The following SAMD12 variants were observed in gnomAD, a reference collection of about 807,000 sequenced individuals.
SAMD12 encodes the protein sterile alpha motif domain containing 12, also known as sterile alpha motif domain-containing protein 12.
In SAMD12, 9 loss-of-function variants were observed where a neutral mutation model predicts 15.0. The observed-to-expected ratio is 0.60, with a 90% confidence interval of 0.36 to 1.05. The LOEUF is 1.05. Among genes scored for constraint, SAMD12 ranks in the 50% least tolerant of loss-of-function variants. The pLI is 0.01. For missense variants in SAMD12, 230 were observed against 234.2 expected (o/e 0.98, Z 0.12); for synonymous variants, 86 against 90.1 (o/e 0.96, Z 0.25).
In SAMD12 at chr8:118,479,449, G is replaced by A. The variant is rs115200165; in HGVS notation, c.193-39488C>T. On this transcript the variant is annotated intron_variant, in intron 2 of 3. Coordinates refer to ENST00000314727, the MANE Select transcript of SAMD12 (RefSeq NM_207506.3). ...GCAAGAAAGAATGAGAAGTGAAAGC[G>A]GAAACCCCTTATAAAACTATCAGGT... is the stretch of plus-strand genomic sequence containing the variant. Among the ~76,000 whole-genome samples, 782 of 152,220 alleles carry A rather than the reference G, an allele frequency of 5.1e-3. 10 individuals carry two copies. Among genetic ancestry groups the A allele is most frequent in the African/African-American group, 0.017 (709 of 41,512 alleles).
At chr8:118,532,599 G>A (rs1016360282) in intron 2 of SAMD12, among the ~76,000 whole-genome samples, 1 of 152,034 alleles carries the variant, frequency 6.6e-6, no homozygotes, top group African/African-American at 2.4e-5. Flanking sequence ...GCTCTTAATT[G>A]TTGCCTCAAT....
At chr8:118,552,032 T>C (rs1442881992) in intron 2 of SAMD12, among the ~76,000 whole-genome samples, 1 of 151,696 alleles carries the variant, frequency 6.6e-6, no homozygotes, top group Non-Finnish European at 1.5e-5. Context: ...GTGGCAATAA[T>C]CAATAGCTTA....
intron 2 of SAMD12, among the ~76,000 whole-genome samples, chr8:118,567,232 T>G (rs764117747): frequency 2.0e-5 from 3 of 152,058 alleles, no homozygotes; most frequent in African/African-American, 4.8e-5. Flanking sequence ...AGAGCAGATA[T>G]CAGACCCCAG....
At chr8:118,215,839 C>T (rs1339145699) in intron 4 of SAMD12, among the ~76,000 whole-genome samples, 2 of 152,066 alleles carry the variant, frequency 1.3e-5, no homozygotes, top group Non-Finnish European at 2.9e-5. Flanking sequence ...GTATATGTGC[C>T]ACATTTTCTT....
At chr8:118,135,205 G>A in the SAMD12 span, among the ~76,000 whole-genome samples, 2 of 152,034 alleles carry the variant, frequency 1.3e-5, no homozygotes, top group Middle Eastern at 3.4e-3. Flanking sequence ...TTTCTGAGAC[G>A]GAGTCTTGCT....
At chr8:118,605,841 C>T (rs1827974340) in intron 1 of SAMD12, among the ~76,000 whole-genome samples, 1 of 132,940 alleles carries the variant, frequency 7.5e-6, no homozygotes, top group Non-Finnish European at 1.6e-5. Flanking sequence ...TACTGACCAT[C>T]AACAACCAGT....
At chr8:118,521,646 C>T (rs947203474) in intron 2 of SAMD12, among the ~76,000 whole-genome samples, 3 of 141,124 alleles carry the variant, frequency 2.1e-5, no homozygotes, top group Non-Finnish European at 3.1e-5. Flanking sequence ...GCTTAATACA[C>T]ACATTCGGGC....
intron 4 of SAMD12, among the ~76,000 whole-genome samples, chr8:118,240,916 T>C (rs536912557): frequency 1.3e-5 from 2 of 152,224 alleles, no homozygotes; most frequent in African/African-American, 4.8e-5. Flanking sequence ...CATTTTGTAA[T>C]GTAATTAAGA....
At chr8:118,166,460 A>G in the SAMD12 span, among the ~76,000 whole-genome samples, 6 of 152,208 alleles carry the variant, frequency 3.9e-5, no homozygotes, top group Non-Finnish European at 5.9e-5. Context: ...AGCAAGAAAG[A>G]ATACAAAAAT....
chr8:118,611,252 A>G (rs76354122), intron 1 of SAMD12, among the ~76,000 whole-genome samples: 77 of 152,214 alleles, frequency 5.1e-4, no homozygotes, highest in Non-Finnish European at 1.1e-3. Context: ...TATCAGTCCC[A>G]TAGTTTATCC....
At chr8:118,587,946 G>A (rs144770429) in intron 1 of SAMD12, among the ~76,000 whole-genome samples, 55 of 152,240 alleles carry the variant, frequency 3.6e-4, no homozygotes, top group African/African-American at 1.1e-3. Flanking sequence ...CTAGTAAAAT[G>A]TTCTGGTCTG....
chr8:118,552,043 C>G (rs1224045276), intron 2 of SAMD12, among the ~76,000 whole-genome samples: 41 of 150,938 alleles, frequency 2.7e-4, no homozygotes, highest in African/African-American at 8.9e-4. Context: ...CAATAGCTTA[C>G]CAACCAAAAA....
chr8:118,415,178 G>A (rs1821617941), intron 3 of SAMD12, among the ~76,000 whole-genome samples: 1 of 152,108 alleles, frequency 6.6e-6, no homozygotes, highest in African/African-American at 2.4e-5. Context: ...CAACACAACT[G>A]AAAGGTTCCA....
At chr8:118,495,003 GA>G (rs1824565841) in intron 2 of SAMD12, among the ~76,000 whole-genome samples, 1 of 152,156 alleles carries the variant, frequency 6.6e-6, no homozygotes, top group South Asian at 2.1e-4. Flanking sequence ...ACAGGCTGGG[GA>G]TATGAAAGTC....
the SAMD12 span, among the ~76,000 whole-genome samples, chr8:118,143,370 G>A: frequency 6.6e-6 from 1 of 152,136 alleles, no homozygotes; most frequent in Non-Finnish European, 1.5e-5. Flanking sequence ...TTTGAAGCCA[G>A]ATAAACCCTA....
At chr8:118,412,110 C>A (rs970562421) in intron 3 of SAMD12, among the ~76,000 whole-genome samples, 1 of 152,170 alleles carries the variant, frequency 6.6e-6, no homozygotes, top group African/African-American at 2.4e-5. Context: ...CCAAGAAACA[C>A]AGAGAATCAT....
chr8:118,393,555 T>C (rs1820398896), intron 3 of SAMD12, among the ~76,000 whole-genome samples: 1 of 150,820 alleles, frequency 6.6e-6, no homozygotes, highest in African/African-American at 2.4e-5. Flanking sequence ...AGAAAAGGGA[T>C]TTTGACTCAG....
intron 3 of SAMD12, among the ~76,000 whole-genome samples, chr8:118,404,086 A>T (rs1413931794): frequency 6.6e-6 from 1 of 152,174 alleles, no homozygotes; most frequent in Non-Finnish European, 1.5e-5. Flanking sequence ...GGGCACAAGC[A>T]GTCCTTCCAT....
intron 2 of SAMD12, among the ~76,000 whole-genome samples, chr8:118,510,341 T>G (rs746640647): frequency 5.3e-5 from 8 of 152,094 alleles, no homozygotes; most frequent in African/African-American, 9.7e-5. Context: ...GCATCTCAAG[T>G]GATTCTGATA....
Sources: gnomAD v4.1 joint callset for allele counts (sites outside exome capture counted in the v4.1 genomes callset) on GRCh38, gnomAD v4.1.1 for gene constraint, MANE v1.5 for transcripts, NCBI Gene and HGNC (gene_info 2026-07-23, HGNC 2026-07-21) for gene names.